The following FBF1 variants were observed in gnomAD, a reference collection of about 807,000 sequenced individuals.
The protein encoded by FBF1 is fas-binding factor 1.
FBF1 carries 119 observed loss-of-function variants against 147.2 expected under a neutral mutation model. The ratio of observed to expected loss-of-function variants is 0.81; its 90% CI spans 0.70 to 0.94. The LOEUF is 0.94. Among genes scored for constraint, FBF1 ranks in the 40% least tolerant of loss-of-function variants. The pLI, the probability that FBF1 is intolerant of heterozygous loss-of-function variation, is 0.00. For missense variants in FBF1, 1,449 were observed against 1,500.8 expected, an observed-to-expected ratio of 0.97 and a Z score of 0.57; for synonymous variants, 601 against 609.0, an observed-to-expected ratio of 0.99 and a Z score of 0.19.
In FBF1 at chr17:75,919,343, G is replaced by A. The variant is rs890378563; in HGVS notation, c.2138+325C>T. Among the ~76,000 whole-genome samples, 2 of 152,242 alleles carry A rather than the reference G, an allele frequency of 1.3e-5. No homozygotes were observed. Among genetic ancestry groups the A allele is most frequent in the Non-Finnish European group, 2.9e-5 (2 of 68,044 alleles). On this transcript the variant is annotated intron_variant, in intron 20 of 29. Transcript: ENST00000636174. This position sits in a 1 kb window ranked among gnomAD's most constrained non-coding sequence, Gnocchi z 5.0. Reference sequence around the variant, plus strand: ...CAACAGCGCAAGCCTTTCCCAGGTGGATCTTGTTTCTAGCCTCTACTGCAT... The same window carrying A: ...CAACAGCGCAAGCCTTTCCCAGGTGAATCTTGTTTCTAGCCTCTACTGCAT...
intron 4 of FBF1, among the ~76,000 whole-genome samples, chr17:75,934,116 G>A (rs2065610006): frequency 6.6e-6 from 1 of 152,136 alleles, no homozygotes; most frequent in Non-Finnish European, 1.5e-5. Flanking sequence ...CATAACAGCC[G>A]AAATGTGGAA....
Position 75,914,021 on chromosome 17 carries a change from C to A in FBF1, c.3021G>T (p.Glu1007Asp), listed in dbSNP as rs1026169521. The A allele has an allele frequency of 1.3e-5, 21 of 1,585,608 alleles. No individual in the cohort carries two copies. The highest frequency in any genetic ancestry group is 1.8e-5 in the Non-Finnish European group (21 of 1,173,278). ...CCTGCTGGGCCTCGCGCAATGCCCG[C>A]TCCCCCTCCTCGTACTTCTCGGAGG... Reference protein sequence around the residue: ...KVASEKYEEGERALREAQQVQ... With the variant: ...KVASEKYEEGDRALREAQQVQ... Residue 1007 changes from glutamate (E) to aspartate (D), a missense_variant, in exon 27 of 30, where the codon GAG becomes GAT. Glu to Asp is a conservative substitution (Grantham distance 45). Coordinates refer to ENST00000636174, the MANE Select transcript of FBF1 (RefSeq NM_001319193.2).
At position 75,926,000 on chromosome 17, in the gene FBF1, T is replaced by G; in HGVS notation, c.868+30A>C. ...GCCTGATCTAGAGGCCTCCCTCCCG[T>G]CCTGTTGCGGCCCCCGCAAGCCTCC... On this transcript the variant is annotated intron_variant, in intron 12 of 29. Transcript: ENST00000636174. The surrounding 1 kb of genome is among the most constrained non-coding windows in gnomAD (Gnocchi z 5.0). The G allele has an allele frequency of 6.3e-7, 1 of 1,584,770 alleles. No individual in the cohort carries two copies. Among genetic ancestry groups the G allele is most frequent in the Non-Finnish European group, 8.6e-7 (1 of 1,164,430 alleles).
At chr17:75,915,277 A>G in intron 23 of FBF1, 138 bp from the exon 24 acceptor site, 1 of 1,339,650 alleles carries the variant, frequency 7.5e-7, no homozygotes, top group Non-Finnish European at 9.9e-7. Flanking sequence ...GAGGCACAAA[A>G]TGAGGGGTGC....
rs920229470 is a variant in FBF1 at position 75,922,389 on chromosome 17, G to A, written c.1425-343C>T. Reference sequence around the variant, plus strand: ...TGGCTCAGCTCTAGATTAGGATTCTGCTCAGTCTACCAAATCTGGCTGGCT... The same window carrying A: ...TGGCTCAGCTCTAGATTAGGATTCTACTCAGTCTACCAAATCTGGCTGGCT... On this transcript the variant is annotated intron_variant, in intron 14 of 29. Coordinates refer to ENST00000636174, the MANE Select transcript of FBF1 (RefSeq NM_001319193.2). The surrounding 1 kb of genome is among the most constrained non-coding windows in gnomAD (Gnocchi z 5.0). Among the ~76,000 whole-genome samples, 1 of 152,172 alleles carries A rather than the reference G, an allele frequency of 6.6e-6. No individual in the cohort carries two copies. The highest frequency in any genetic ancestry group is 2.4e-5 in the African/African-American group (1 of 41,424).
At chr17:75,939,427 C>T (rs2065646519) in intron 1 of FBF1, among the ~76,000 whole-genome samples, 1 of 151,996 alleles carries the variant, frequency 6.6e-6, no homozygotes, top group Admixed American at 6.6e-5. Context: ...GGCAAGTACT[C>T]ATTTCAGAAA....
At chr17:75,935,960 G>A (rs1242432437) in intron 3 of FBF1, among the ~76,000 whole-genome samples, 2 of 151,822 alleles carry the variant, frequency 1.3e-5, no homozygotes, top group Non-Finnish European at 2.9e-5. Flanking sequence ...TGGATCACCT[G>A]AAGTCAGGAG....
chr17:75,926,196 G>C (rs1242425455), intron 11 of FBF1, 33 bp from the exon 12 acceptor site: 3 of 1,605,144 alleles, frequency 1.9e-6, no homozygotes, highest in Admixed American at 1.7e-5. Flanking sequence ...GGAACGTGTA[G>C]GTATGAGGGG....
chr17:75,939,319 G>C (rs1159725646), intron 1 of FBF1, among the ~76,000 whole-genome samples: 2 of 131,226 alleles, frequency 1.5e-5, no homozygotes, highest in East Asian at 2.2e-4. Context: ...AAAAAAAAAC[G>C]TGCTCTGGAT....
intron 23 of FBF1, among the ~76,000 whole-genome samples, chr17:75,916,662 A>G (rs377096649): frequency 4.1e-4 from 62 of 152,292 alleles, no homozygotes; most frequent in Middle Eastern, 3.4e-3. Flanking sequence ...GATGATAACT[A>G]CTAGCTGAGG....
At chr17:75,938,370 G>A in intron 1 of FBF1, 138 bp from the exon 2 acceptor site, 1 of 634,194 alleles carries the variant, frequency 1.6e-6, no homozygotes. Flanking sequence ...AGACCAGCCT[G>A]GCCAACATGG....
rs1027983186 is a variant in FBF1, at chr17:75,923,770, C to T, written c.969-129G>A. 1 of 925,276 alleles carries T rather than the reference C, an allele frequency of 1.1e-6. No individual in the cohort carries two copies. The highest frequency in any genetic ancestry group is 1.6e-6 in the Non-Finnish European group (1 of 631,476). The allele number at this position is 925,276 out of a possible 1,614,324, so 57.3% of individuals were successfully genotyped here. ...TCAGCTGAGGCCCAGTGAGCAGTGG[C>T]TCCTGGACCGGCTCAGGTGGCAGGC... On this transcript the variant is annotated intron_variant, in intron 13 of 29. Coordinates refer to ENST00000636174, the MANE Select transcript of FBF1 (RefSeq NM_001319193.2). This position sits in a 1 kb window ranked among gnomAD's most constrained non-coding sequence, Gnocchi z 4.1.
In FBF1 at chr17:75,923,156, C is replaced by T; in HGVS notation, c.1424+30G>A. The T allele has an allele frequency of 1.3e-6, 2 of 1,523,374 alleles. No homozygotes were observed. The highest frequency in any genetic ancestry group is 2.5e-5 in the South Asian group (2 of 80,096). 94.4% of individuals were successfully genotyped at this position (1,523,374 alleles called of 1,614,324 possible). ...CCTCAAGTCCCCAGCCAGTCCTCCC[C>T]CTACTAGCCACAGCAGCCTAAGTCA... On this transcript the variant is annotated intron_variant, in intron 14 of 29. Transcript: ENST00000636174. The surrounding 1 kb of genome is among the most constrained non-coding windows in gnomAD (Gnocchi z 4.1).
At position 75,926,777 on chromosome 17, in the gene FBF1, G is replaced by C. The variant is rs765617015; in HGVS notation, c.576C>G (p.Pro192=). Residue 192 remains proline (P), a synonymous_variant, in exon 10 of 30, where the codon CCC becomes CCG. Coordinates refer to ENST00000636174, the MANE Select transcript of FBF1 (RefSeq NM_001319193.2). ...CCCTACCTTGATCTCTCACTGTGCTGGGGCTCTTGTCAGAAGCTGTTTTAC... is the reference window on the plus strand; with the variant it reads ...CCCTACCTTGATCTCTCACTGTGCTCGGGCTCTTGTCAGAAGCTGTTTTAC... ...TQSKTASDKS[P]STVRDQGPSI... The C allele has an allele frequency of 1.2e-4, 201 of 1,613,568 alleles. No homozygotes were observed. The highest frequency in any genetic ancestry group is 1.7e-4 in the Non-Finnish European group (195 of 1,179,794).
Position 75,919,917 on chromosome 17 carries a change from G to T in FBF1, c.1932-43C>A, listed in dbSNP as rs1422343565. On this transcript the variant is annotated intron_variant, in intron 19 of 29. Transcript: ENST00000636174. The surrounding 1 kb of genome is among the most constrained non-coding windows in gnomAD (Gnocchi z 5.0). ...AGCCATGGCGCAAGGAAGGCAGAGG[G>T]CTGCCGCCTAAAGGCCTCTCCAGGC... is the stretch of plus-strand genomic sequence containing the variant. 6.2e-7 allele frequency: 1 copy of T among 1,612,600 alleles called. No homozygotes were observed. The highest frequency in any genetic ancestry group is 1.3e-5 in the African/African-American group (1 of 74,920).
At position 75,926,863 on chromosome 17, in the gene FBF1, A is replaced by G; in HGVS notation, c.490T>C (p.Leu164=). ...RFSSEDLEDP[L]RGLLSYDEGG... is the part of the protein sequence containing the mutation. ...TCATCATAGGAGAGAAGTCCTCTCA[A>G]TGGGTCTTCCAAGTCTCACAGCAGA... is the stretch of plus-strand genomic sequence containing the variant. Residue 164 remains leucine (L), a synonymous_variant, in exon 10 of 30, where the codon TTG becomes CTG. Transcript: ENST00000636174. 6.2e-7 allele frequency: 1 copy of G among 1,612,232 alleles called. No individual in the cohort carries two copies. Among genetic ancestry groups the G allele is most frequent in the South Asian group, 1.1e-5 (1 of 90,526 alleles).
At position 75,919,615 on chromosome 17, in the gene FBF1, T is replaced by C. The variant is rs931782783; in HGVS notation, c.2138+53A>G. On this transcript the variant is annotated intron_variant, in intron 20 of 29. Transcript: ENST00000636174. The surrounding 1 kb of genome is among the most constrained non-coding windows in gnomAD (Gnocchi z 5.0). ...GAAGGGTCTCGTGGGGATGGCTCTC[T>C]TCCGGCTACTCCTTGCAAGCCTGCT... 3.9e-6 allele frequency: 6 copies of C among 1,541,066 alleles called. No individual in the cohort carries two copies. In the African/African-American group the frequency reaches 5.5e-5, roughly 14 times the overall value.
intron 3 of FBF1, among the ~76,000 whole-genome samples, chr17:75,936,631 C>T (rs779313022): frequency 3.3e-5 from 5 of 151,968 alleles, no homozygotes; most frequent in Admixed American, 6.6e-5. Context: ...CCTGAGATCA[C>T]GCCATTGCAC....
At chr17:75,937,524 T>G in intron 3 of FBF1, 42 bp downstream of exon 3, 1 of 1,608,066 alleles carries the variant, frequency 6.2e-7, no homozygotes, top group South Asian at 1.1e-5. Context: ...GGGAAAAAGA[T>G]ATATATTTGG....
Sources: gnomAD v4.1 joint callset for allele counts (sites outside exome capture counted in the v4.1 genomes callset) on GRCh38, gnomAD v4.1.1 for gene constraint, Gnocchi (gnomAD v3.1) non-coding constraint, MANE v1.5 for transcripts, NCBI Gene and HGNC (gene_info 2026-07-23, HGNC 2026-07-21) for gene names.